CNTNAP2: variants seen among roughly 807,000 people sequenced by gnomAD.
CNTNAP2 encodes contactin associated protein 2.
CNTNAP2 carries 98 observed loss-of-function variants against 155.2 expected under a neutral mutation model. That is an observed-to-expected ratio of 0.63 (90% CI 0.54 to 0.75). The LOEUF is 0.75. Ranked by LOEUF, CNTNAP2 falls within the 30% of genes least tolerant of loss-of-function variation. CNTNAP2 has a pLI of 0.00. For synonymous variants in CNTNAP2, 651 were observed against 631.2 expected, an observed-to-expected ratio of 1.03 and a Z score of -0.47; for missense variants, 1,727 against 1,688.1, an observed-to-expected ratio of 1.02 and a Z score of -0.40.
At chr7:148,118,478 A>C (rs1245904816) in intron 16 of CNTNAP2, among the ~76,000 whole-genome samples, 190 bp downstream of exon 16, 1 of 152,188 alleles carries the variant, frequency 6.6e-6, no homozygotes, top group Non-Finnish European at 1.5e-5. Flanking sequence ...GGATGCTCTC[A>C]GGGAAGCAGG....
intron 21 of CNTNAP2, among the ~76,000 whole-genome samples, chr7:148,298,746 G>A (rs545436144): frequency 1.1e-4 from 17 of 152,108 alleles, no homozygotes; most frequent in East Asian, 1.9e-4. Context: ...GGCTGGAGTC[G>A]AGTGGTACAA....
chr7:148,295,541 G>T (rs1418108577), intron 21 of CNTNAP2, among the ~76,000 whole-genome samples: 5 of 148,240 alleles, frequency 3.4e-5, no homozygotes, highest in Admixed American at 3.3e-4. Context: ...GCCCAGGCGG[G>T]AGTGCTGTGG....
chr7:147,395,980 A>C (rs1349086147), intron 10 of CNTNAP2, among the ~76,000 whole-genome samples, 200 bp downstream of exon 10: 1 of 149,952 alleles, frequency 6.7e-6, no homozygotes, highest in Non-Finnish European at 1.5e-5. Context: ...TATATATATC[A>C]TATATCTATC....
intron 1 of CNTNAP2, among the ~76,000 whole-genome samples, chr7:146,368,789 G>T (rs1448040018): frequency 1.3e-5 from 2 of 151,280 alleles, no homozygotes; most frequent in East Asian, 3.9e-4. Context: ...CTAAGTAATT[G>T]CCAAGAAGTA....
In CNTNAP2 at chr7:146,585,080, G is replaced by C. The variant is rs1425022633; in HGVS notation, c.98-189191G>C. On this transcript the variant is annotated intron_variant, in intron 1 of 23. Transcript: ENST00000361727. ...ATATGTTGGTGGTCCTAAAATTATT[G>C]GCCCAAAGTTGAGTATCTTGGTGTT... is the stretch of plus-strand genomic sequence containing the variant. Among the ~76,000 whole-genome samples the C allele has an allele frequency of 2.0e-5, 3 of 151,470 alleles. No homozygotes were observed. The East Asian group carries it at 5.8e-4, about 29-fold the overall frequency.
intron 5 of CNTNAP2, among the ~76,000 whole-genome samples, chr7:147,119,203 A>T (rs1220856699): frequency 2.0e-5 from 3 of 152,142 alleles, no homozygotes; most frequent in African/African-American, 7.2e-5. Flanking sequence ...CAAACTTTTC[A>T]TTTTTTATCC....
intron 1 of CNTNAP2, among the ~76,000 whole-genome samples, chr7:146,284,278 G>A (rs41340948): frequency 0.015 from 2,309 of 152,072 alleles, 73 homozygotes; most frequent in African/African-American, 0.053. Flanking sequence ...GTAATGTAGC[G>A]CCAAAGTATA....
chr7:146,570,589 G>A (rs1480204853), intron 1 of CNTNAP2, among the ~76,000 whole-genome samples: 2 of 152,020 alleles, frequency 1.3e-5, no homozygotes, highest in East Asian at 3.9e-4. Context: ...TAATAAATGT[G>A]CACATTTAAC....
chr7:147,848,195 C>T (rs1172388202), intron 13 of CNTNAP2, among the ~76,000 whole-genome samples: 1 of 142,378 alleles, frequency 7.0e-6, no homozygotes, highest in Non-Finnish European at 1.6e-5. Flanking sequence ...CCTCCCCCAG[C>T]CTCGTTGCCG....
chr7:148,181,583 A>G (rs1473013398), intron 18 of CNTNAP2, among the ~76,000 whole-genome samples: 1 of 152,108 alleles, frequency 6.6e-6, no homozygotes, highest in Admixed American at 6.5e-5. Context: ...CAGATATTTG[A>G]GAAAACCTGG....
chr7:147,904,057 A>G (rs947754023), intron 14 of CNTNAP2, among the ~76,000 whole-genome samples: 2 of 152,192 alleles, frequency 1.3e-5, no homozygotes, highest in Non-Finnish European at 2.9e-5. Flanking sequence ...GCGGGAAGCC[A>G]GTGTGCATGA....
chr7:146,530,040 T>C lies in CNTNAP2; in HGVS notation c.98-244231T>C, dbSNP rs1797746413. ...TTCTCTGCAAAAGGGGAAATTCCTC[T>C]TGTAAAACAAAAGGAAACTTTATAA... On this transcript the variant is annotated intron_variant, in intron 1 of 23. Transcript: ENST00000361727. Among the ~76,000 whole-genome samples the C allele has an allele frequency of 2.0e-5, 3 of 152,130 alleles. No homozygotes were observed. The South Asian group carries it at 6.2e-4, about 32-fold the overall frequency.
chr7:146,364,900 CAT>C (rs1429657174), intron 1 of CNTNAP2, among the ~76,000 whole-genome samples: 5 of 152,148 alleles, frequency 3.3e-5, no homozygotes, highest in Non-Finnish European at 7.4e-5. Context: ...TCAAAAGTTA[CAT>C]GTGTGTGTTT....
intron 1 of CNTNAP2, among the ~76,000 whole-genome samples, chr7:146,636,080 A>G (rs1799593161): frequency 1.3e-5 from 2 of 151,688 alleles, no homozygotes; most frequent in African/African-American, 4.8e-5. Flanking sequence ...TGTTATTAAA[A>G]TGTGGGTCAT....
rs148607104 is a variant in CNTNAP2 at position 147,405,073 on chromosome 7, A to T, written c.1670+9293A>T. On this transcript the variant is annotated intron_variant, in intron 10 of 23. Coordinates refer to ENST00000361727, the MANE Select transcript of CNTNAP2 (RefSeq NM_014141.6). ...AAACTATATTTGCTTTTGGCATGGC[A>T]TATAGCTGTGCTTTGACATTTAAAT... Among the ~76,000 whole-genome samples the T allele has an allele frequency of 6.7e-3, 1,016 of 152,306 alleles. 11 individuals carry two copies. Among genetic ancestry groups the T allele is most frequent in the African/African-American group, 0.023 (954 of 41,568 alleles).
chr7:146,252,389 C>T (rs1298032240), intron 1 of CNTNAP2, among the ~76,000 whole-genome samples: 1 of 152,194 alleles, frequency 6.6e-6, no homozygotes. Flanking sequence ...TCCTACTGGA[C>T]AGAGAGAGGC....
At chr7:147,372,244 A>G (rs1042136272) in intron 9 of CNTNAP2, among the ~76,000 whole-genome samples, 10 of 152,134 alleles carry the variant, frequency 6.6e-5, no homozygotes, top group African/African-American at 2.4e-4. Flanking sequence ...CAGTTTTGGG[A>G]TGCTGACAAA....
chr7:147,215,785 C>T lies in CNTNAP2; in HGVS notation c.1348+83276C>T, dbSNP rs185365164. 2.7e-3 allele frequency among the ~76,000 whole-genome samples: 405 copies of T among 152,164 alleles called. 1 individual carries two copies. The highest frequency in any genetic ancestry group is 9.1e-3 in the African/African-American group (377 of 41,532). ...CTGCCAAACTGTCTTTCAAAGTGGC[C>T]GGACCATTTTGTATTTTCACTGGTA... On this transcript the variant is annotated intron_variant, in intron 8 of 23. Transcript: ENST00000361727.
chr7:146,807,750 A>C (rs947152720), intron 2 of CNTNAP2, among the ~76,000 whole-genome samples: 12 of 151,552 alleles, frequency 7.9e-5, no homozygotes, highest in South Asian at 2.1e-4. Flanking sequence ...TCTTCTTTTC[A>C]GTCCTTTTTA....
Sources: gnomAD v4.1 joint callset for allele counts (sites outside exome capture counted in the v4.1 genomes callset) on GRCh38, gnomAD v4.1.1 for gene constraint, MANE v1.5 for transcripts, NCBI Gene and HGNC (gene_info 2026-07-23, HGNC 2026-07-21) for gene names.